The following HAS2 variants were observed in gnomAD, a reference collection of about 807,000 sequenced individuals.
The protein encoded by HAS2 is hyaluronan synthase 2, also known as HA synthase 2.
In HAS2, 16 loss-of-function variants were observed where a neutral mutation model predicts 51.6. The observed-to-expected ratio is 0.31, with a 90% CI of 0.21 to 0.47. HAS2 has a LOEUF of 0.47. Ranked by LOEUF, HAS2 falls within the 20% of genes least tolerant of loss-of-function variation. The pLI, the probability that HAS2 is intolerant of heterozygous loss-of-function variation, is 1.00. For missense variants in HAS2, 361 were observed against 662.6 expected (o/e 0.54, Z 5.00); for synonymous variants, 228 against 235.5 (o/e 0.97, Z 0.29).
At chr8:121,621,778 T>C (rs1046501980) in intron 2 of HAS2, among the ~76,000 whole-genome samples, 7 of 152,206 alleles carry the variant, frequency 4.6e-5, no homozygotes, top group Non-Finnish European at 8.8e-5. Context: ...TTATCTATTC[T>C]ACCAGATGCC....
In HAS2 at chr8:121,614,164, T is replaced by C. The variant is rs149828758; in HGVS notation, c.1604A>G (p.Asn535Ser). ...MLLTLYVVLI[N>S]KCGRRKKGQQ... is the part of the protein sequence containing the mutation. ...TCCCTTCTTCCGCCTGCCACACTTA[T>C]TGATGAGAACTACATACAGCGTCAA... Residue 535 changes from asparagine (N) to serine (S), a missense_variant, in exon 4 of 4, where the codon AAT (asparagine) becomes AGT (serine). Around this residue, in one of 5 missense-constraint regions of HAS2, gnomAD observed 61 missense variants for 73.1 expected, o/e 0.84. Transcript: ENST00000303924. This position sits in a 1 kb window ranked among gnomAD's most constrained non-coding sequence, Gnocchi z 7.2. 1.5e-4 allele frequency: 236 copies of C among 1,614,148 alleles called. 1 individual carries two copies. In the African/African-American group the frequency reaches 1.5e-3, roughly 10 times the overall value.
rs1214168767 is a variant in HAS2, at chr8:121,612,748, A to T, written c.*1361T>A. On this transcript the variant is annotated 3_prime_UTR_variant, in exon 4 of 4. Coordinates refer to ENST00000303924, the MANE Select transcript of HAS2 (RefSeq NM_005328.3). ...CCTTGATGTCACTTCTACTGTGTAG[A>T]CATTTTTATACAGGTCCAGAACAGG... The T allele has an allele frequency of 6.6e-6, 1 of 152,166 alleles. No homozygotes were observed. The highest frequency in any genetic ancestry group is 2.4e-5 in the African/African-American group (1 of 41,446). The allele number at this position is 152,166 out of a possible 1,614,324, so 9.4% of individuals were successfully genotyped here.
chr8:121,626,786 G>T (rs1052967193), intron 2 of HAS2, among the ~76,000 whole-genome samples: 1 of 152,174 alleles, frequency 6.6e-6, no homozygotes, highest in African/African-American at 2.4e-5. Context: ...ACCAGTTTCA[G>T]AATGCTAAGA....
Position 121,614,520 on chromosome 8 carries a change from T to C in HAS2, c.1248A>G (p.Val416=). 6.2e-7 allele frequency: 1 copy of C among 1,614,106 alleles called. No homozygotes were observed. Among genetic ancestry groups the C allele is most frequent in the Non-Finnish European group, 8.5e-7 (1 of 1,179,958 alleles). ...TGGCAAAAGATGATTTTATGAGACCTACTAGCTGGACAGTTAACAAGAAGA... is the reference window on the plus strand; with the variant it reads ...TGGCAAAAGATGATTTTATGAGACCCACTAGCTGGACAGTTAACAAGAAGA... ...ILLFLLTVQL[V]GLIKSSFASC... Residue 416 remains valine, a synonymous_variant, in exon 4 of 4, where the codon GTA becomes GTG. Transcript: ENST00000303924. The surrounding 1 kb of genome is among the most constrained non-coding windows in gnomAD (Gnocchi z 7.2).
chr8:121,628,656 A>T, intron 2 of HAS2, 58 bp downstream of exon 2: 1 of 1,517,820 alleles, frequency 6.6e-7, no homozygotes. Context: ...GACTGGACAG[A>T]TACAAAAGCG....
At chr8:121,633,913 T>G (rs1483928960) in intron 1 of HAS2, among the ~76,000 whole-genome samples, 3 of 131,508 alleles carry the variant, frequency 2.3e-5, no homozygotes, top group African/African-American at 6.8e-5. Context: ...TTTTTTTGGG[T>G]TTTTTTTTTT....
In HAS2 at chr8:121,641,158, C is replaced by CTTTTCTTTTTTTTTTT. The variant is rs1813093871; in HGVS notation, c.-307_-306insAAAAAAAAAAAGAAAA. 1.8e-5 allele frequency: 1 copy of CTTTTCTTTTTTTTTTT among 57,016 alleles called. No homozygotes were observed. Among genetic ancestry groups the CTTTTCTTTTTTTTTTT allele is most frequent in the Non-Finnish European group, 3.2e-5 (1 of 30,856 alleles). 3.5% of individuals were successfully genotyped at this position (57,016 alleles called of 1,614,324 possible). Reference sequence around the variant, plus strand: ...TAACTTTTCTTTTTTCTTTTCTTTTCTTTTTTTTTTTTTTTTTTTTTTGGG... The same window carrying CTTTTCTTTTTTTTTTT: ...TAACTTTTCTTTTTTCTTTTCTTTTCTTTTCTTTTTTTTTTTTTTTTTTTTTTTTTTTTTTTTTGGG... On this transcript the variant is annotated 5_prime_UTR_variant, in exon 1 of 4. Transcript: ENST00000303924.
chr8:121,632,309 C>T (rs1175367504), intron 1 of HAS2, among the ~76,000 whole-genome samples: 1 of 152,038 alleles, frequency 6.6e-6, no homozygotes. Flanking sequence ...TGAGACAATC[C>T]CCAATTCAAA....
chr8:121,623,930 T>C (rs1375916507), intron 2 of HAS2, among the ~76,000 whole-genome samples: 1 of 152,222 alleles, frequency 6.6e-6, no homozygotes, highest in African/African-American at 2.4e-5. Context: ...ATTATCATTA[T>C]TTATGGTAGT....
At chr8:121,615,242 G>A (rs112268176) in intron 3 of HAS2, among the ~76,000 whole-genome samples, 67 of 152,140 alleles carry the variant, frequency 4.4e-4, no homozygotes, top group African/African-American at 1.5e-3. Flanking sequence ...TGCATGTGTT[G>A]CGATTCTTTG....
At chr8:121,615,746 T>G (rs1812693817) in intron 3 of HAS2, among the ~76,000 whole-genome samples, 1 of 152,206 alleles carries the variant, frequency 6.6e-6, no homozygotes, top group Admixed American at 6.5e-5. Context: ...CTGGTTAATT[T>G]CAAACTGATC....
At chr8:121,640,618 G>C (rs1189579608) in intron 1 of HAS2, among the ~76,000 whole-genome samples, 1 of 152,132 alleles carries the variant, frequency 6.6e-6, no homozygotes, top group Non-Finnish European at 1.5e-5. Flanking sequence ...TGTGTCCCCA[G>C]AAAGGCAGCG....
chr8:121,631,221 T>G (rs947958921), intron 1 of HAS2, among the ~76,000 whole-genome samples: 7 of 152,194 alleles, frequency 4.6e-5, no homozygotes, highest in African/African-American at 1.7e-4. Context: ...CAAGGACTCT[T>G]ACGTTGGCAC....
rs1485160676 is a variant in HAS2 at position 121,640,825 on chromosome 8, T to G, written c.-1+28A>C. On this transcript the variant is annotated intron_variant, in intron 1 of 3. Transcript: ENST00000303924. ...CTGGCCTGTTGGAGGACCTTCATCC[T>G]TCACCAAAACGCGCCAGTGTAACGT... 2.6e-5 allele frequency: 4 copies of G among 152,160 alleles called. No individual in the cohort carries two copies. The East Asian group carries it at 7.7e-4, about 29-fold the overall frequency. 9.4% of individuals were successfully genotyped at this position (152,160 alleles called of 1,614,324 possible).
chr8:121,635,657 C>T (rs1351468878), intron 1 of HAS2, among the ~76,000 whole-genome samples: 1 of 152,214 alleles, frequency 6.6e-6, no homozygotes, highest in Non-Finnish European at 1.5e-5. Flanking sequence ...TACACTTGCG[C>T]CTCTTATTCA....
chr8:121,623,155 G>A (rs1812796277), intron 2 of HAS2, among the ~76,000 whole-genome samples: 2 of 152,080 alleles, frequency 1.3e-5, no homozygotes, highest in South Asian at 4.1e-4. Flanking sequence ...GAATATACAA[G>A]CCTTCCTTAG....
rs1336188687 is a variant in HAS2, at chr8:121,612,987, G to T, written c.*1122C>A. The T allele has an allele frequency of 2.0e-5, 3 of 151,120 alleles. No individual in the cohort carries two copies. The highest frequency in any genetic ancestry group is 4.4e-5 in the Non-Finnish European group (3 of 67,864). 9.4% of individuals were successfully genotyped at this position (151,120 alleles called of 1,614,324 possible). A position where few individuals can be genotyped will look rare whatever the true frequency, so the allele number is the denominator to read the frequency against. On this transcript the variant is annotated 3_prime_UTR_variant, in exon 4 of 4. Coordinates refer to ENST00000303924, the MANE Select transcript of HAS2 (RefSeq NM_005328.3). ...ACAGGCAAAACATGTTCAATGTGTA[G>T]GTAGGACCCAGTAAATTCAGGCCAC...
At chr8:121,632,739 T>A (rs1350516884) in intron 1 of HAS2, among the ~76,000 whole-genome samples, 1 of 116,574 alleles carries the variant, frequency 8.6e-6, no homozygotes, top group African/African-American at 3.9e-5. Context: ...AATTTACTCA[T>A]CATCATCATC....
chr8:121,617,341 A>G (rs1427105570), intron 2 of HAS2, 135 bp from the exon 3 acceptor site: 10 of 597,934 alleles, frequency 1.7e-5, no homozygotes, highest in Non-Finnish European at 2.7e-5. Flanking sequence ...TATCATGATG[A>G]TAACAGAGGC....
Sources: gnomAD v4.1 joint callset for allele counts (sites outside exome capture counted in the v4.1 genomes callset) on GRCh38, gnomAD v4.1.1 for gene constraint, gnomAD v4.1.1 regional missense constraint, Gnocchi (gnomAD v3.1) non-coding constraint, MANE v1.5 for transcripts, NCBI Gene and HGNC (gene_info 2026-07-23, HGNC 2026-07-21) for gene names.